TEP1: variants seen among roughly 807,000 people sequenced by gnomAD.
The protein encoded by TEP1 is telomerase protein component 1.
TEP1 carries 241 observed loss-of-function variants against 306.3 expected under a neutral mutation model. The observed-to-expected ratio is 0.79, with a 90% CI of 0.71 to 0.88. TEP1 has a LOEUF of 0.88. TEP1 is among the 40% of genes least tolerant of loss of function. The pLI, the probability that TEP1 is intolerant of heterozygous loss-of-function variation, is 0.00. For missense variants in TEP1, 3,051 were observed against 3,276.1 expected, an observed-to-expected ratio of 0.93 and a Z score of 1.68; for synonymous variants, 1,289 against 1,305.5, an observed-to-expected ratio of 0.99 and a Z score of 0.27.
intron 1 of TEP1, among the ~76,000 whole-genome samples, chr14:20,413,059 G>A (rs1288179255): frequency 1.3e-5 from 2 of 152,168 alleles, no homozygotes; most frequent in Admixed American, 6.5e-5. Context: ...ATTTGTTGGT[G>A]ACAGCCACTG....
At position 20,380,064 on chromosome 14, in the gene TEP1, A is replaced by T; in HGVS notation, c.5004-11T>A. The T allele has an allele frequency of 6.2e-7, 1 of 1,607,772 alleles. No individual in the cohort carries two copies. Among genetic ancestry groups the T allele is most frequent in the Non-Finnish European group, 8.5e-7 (1 of 1,178,088 alleles). On this transcript the variant is annotated splice_polypyrimidine_tract_variant and intron_variant, in intron 34 of 54. Coordinates refer to ENST00000262715, the MANE Select transcript of TEP1 (RefSeq NM_007110.5). ...AGAGACAGGCTGGAGCTAGAGAAAG[A>T]GTAGGAAGAAAGGGAGGAAATAAAC...
At position 20,408,429 on chromosome 14, in the gene TEP1, A is replaced by G; in HGVS notation, c.11T>C (p.Leu4Pro). Residue 4 changes from leucine (L) to proline (P), a missense_variant, in exon 2 of 55, where the codon CTC becomes CCC. By Grantham distance (98) the Leu-to-Pro change is moderately conservative (BLOSUM62 -3). Transcript: ENST00000262715. Reference protein sequence around the residue: MEKLHGHVSAHPDI... With the variant: MEKPHGHVSAHPDI... ...TGGATGGGCAGACACATGCCCATGG[A>G]GTTTTTCCATGGCTGAAACTCAGCT... 6.2e-7 allele frequency: 1 copy of G among 1,612,604 alleles called. No individual in the cohort carries two copies. Among genetic ancestry groups the G allele is most frequent in the Non-Finnish European group, 8.5e-7 (1 of 1,179,688 alleles).
intron 44 of TEP1, among the ~76,000 whole-genome samples, chr14:20,374,100 T>C (rs2139011550): frequency 6.6e-6 from 1 of 151,836 alleles, no homozygotes; most frequent in Non-Finnish European, 1.5e-5. Flanking sequence ...CTTTTTTTTT[T>C]TTTTAAAGAT....
rs978507748 is a variant in TEP1, at chr14:20,406,493, G to A, written c.568-93C>T. The A allele has an allele frequency of 1.8e-5, 24 of 1,309,938 alleles. 1 individual carries two copies. In the South Asian group the frequency reaches 2.4e-4, roughly 13 times the overall value. 81.1% of individuals were successfully genotyped at this position (1,309,938 alleles called of 1,614,324 possible). On this transcript the variant is annotated intron_variant, in intron 2 of 54. Transcript: ENST00000262715. ...AAGGCAGCACCAGGCCACGGGAAAA[G>A]TCTACATCTCCATTAATAGCACCTC...
intron 44 of TEP1, 111 bp from the exon 45 acceptor site, chr14:20,373,921 GGGA>G (rs2139010651): frequency 2.1e-6 from 3 of 1,427,034 alleles, no homozygotes; most frequent in Non-Finnish European, 9.5e-7. Context: ...ATGTCAATGA[GGGA>G]GGAGAACTCA....
chr14:20,387,056 T>G (rs1305381980), intron 18 of TEP1, among the ~76,000 whole-genome samples: 2 of 151,134 alleles, frequency 1.3e-5, no homozygotes, highest in Non-Finnish European at 3.0e-5. Context: ...CACCTCAGCC[T>G]CCCCAGTAAC....
rs1566435637 is a variant in TEP1, at chr14:20,369,491, GT to G, written c.7508del (p.Asn2503ThrfsTer43). 1 of 1,614,130 alleles carries G rather than the reference GT, an allele frequency of 6.2e-7. No homozygotes were observed. Among genetic ancestry groups the G allele is most frequent in the South Asian group, 1.1e-5 (1 of 91,082 alleles). The stretch of plus-strand genomic sequence containing the variant: ...GAGTGTTTGCTTTTTTCTGCCACAT[GT>G]TACCTGTGGTCCATTCTCCTTCTGG... ...CSPEGEWTTG[N>X]MWQKKANTPE... On this transcript the variant is annotated frameshift_variant, in exon 53 of 55. Coordinates refer to ENST00000262715, the MANE Select transcript of TEP1 (RefSeq NM_007110.5). LOFTEE classifies it high-confidence loss of function.
intron 1 of TEP1, among the ~76,000 whole-genome samples, chr14:20,409,596 C>G (rs1004452098): frequency 5.3e-5 from 8 of 152,200 alleles, no homozygotes; most frequent in African/African-American, 1.9e-4. Context: ...ATTCCCCTTC[C>G]TTTGCCCCCT....
intron 1 of TEP1, among the ~76,000 whole-genome samples, chr14:20,411,068 C>T (rs937096810): frequency 6.6e-6 from 1 of 152,116 alleles, no homozygotes; most frequent in Non-Finnish European, 1.5e-5. Context: ...GATCCACCCA[C>T]CTCAGCCTCC....
rs1594337871 is a variant in TEP1, at chr14:20,381,999, C to G, written c.4338G>C (p.Lys1446Asn). ...SVWRTLPKGT[K>N]SWEEAVAAGN... ...CAGCAGCCACTGCTTCTTCCCAGCT[C>G]TTAGTCCCCTTCGGTAGTGTCCGCC... Residue 1446 changes from lysine (K) to asparagine (N), a missense_variant, in exon 30 of 55, where the codon AAG becomes AAC. Transcript: ENST00000262715. This position sits in a 1 kb window ranked among gnomAD's most constrained non-coding sequence, Gnocchi z 4.0. 6.2e-7 allele frequency: 1 copy of G among 1,614,150 alleles called. No homozygotes were observed. Among genetic ancestry groups the G allele is most frequent in the Non-Finnish European group, 8.5e-7 (1 of 1,180,022 alleles).
chr14:20,383,462 G>A (rs375488397), intron 26 of TEP1, 26 bp downstream of exon 26: 40 of 1,613,782 alleles, frequency 2.5e-5, no homozygotes, highest in East Asian at 2.0e-4. Flanking sequence ...CCTGCCTCCC[G>A]ACACCCACCT....
rs1359442570 is a variant in TEP1 at position 20,401,148 on chromosome 14, AT to A, written c.1392-8del. 1 of 1,613,828 alleles carries A rather than the reference AT, an allele frequency of 6.2e-7. No individual in the cohort carries two copies. The highest frequency in any genetic ancestry group is 1.7e-5 in the Admixed American group (1 of 59,878). Reference sequence around the variant, plus strand: ...CTGTAGGTTGGAGGGGTATCTGAGGATAGGTAAGAAAGAGGTCTATCATTTC... The same window carrying A: ...CTGTAGGTTGGAGGGGTATCTGAGGAAGGTAAGAAAGAGGTCTATCATTTC... On this transcript the variant is annotated splice_polypyrimidine_tract_variant and splice_region_variant and intron_variant, in intron 8 of 54. Transcript: ENST00000262715.
chr14:20,373,260 C>A lies in TEP1; in HGVS notation c.6814+10G>T, dbSNP rs796901832. On this transcript the variant is annotated intron_variant, in intron 47 of 54. Coordinates refer to ENST00000262715, the MANE Select transcript of TEP1 (RefSeq NM_007110.5). ...GTAACACACCCTGTCTCTCTCCAAGCCTCACTCACCTGCTTCCTTAGGAAC... is the reference window on the plus strand; with the variant it reads ...GTAACACACCCTGTCTCTCTCCAAGACTCACTCACCTGCTTCCTTAGGAAC... 1 of 1,613,776 alleles carries A rather than the reference C, an allele frequency of 6.2e-7. No individual in the cohort carries two copies. The highest frequency in any genetic ancestry group is 2.2e-5 in the East Asian group (1 of 44,872).
Position 20,391,020 on chromosome 14 carries a change from C to T in TEP1, c.2174G>A (p.Gly725Glu), listed in dbSNP as rs760301602. The T allele has an allele frequency of 2.6e-5, 42 of 1,614,014 alleles. 1 individual carries two copies. The Middle Eastern group carries it at 9.9e-4, about 38-fold the overall frequency. ...CACTGCAGTCTTCAGAGTGTCACCT[C>T]CACACAGCACGACGTCCACCTGCTC... ...RAEQVDVVLC[G>E]GDTLKTAVLK... Residue 725 changes from glycine (G) to glutamate (E), a missense_variant, in exon 14 of 55, where the codon GGA becomes GAA. Coordinates refer to ENST00000262715, the MANE Select transcript of TEP1 (RefSeq NM_007110.5).
intron 24 of TEP1, 58 bp downstream of exon 24, chr14:20,383,980 A>C: frequency 1.3e-6 from 2 of 1,585,630 alleles, no homozygotes; most frequent in Admixed American, 3.5e-5. Context: ...CCTGTGCCTT[A>C]CCTCCTTAGC....
chr14:20,412,499 C>T (rs2139229466), intron 1 of TEP1, among the ~76,000 whole-genome samples: 2 of 152,268 alleles, frequency 1.3e-5, no homozygotes, highest in East Asian at 3.9e-4. Context: ...GTAAACATTG[C>T]TCACAGTTTT....
At chr14:20,410,019 TCAAAAAAAAAAAAAAA>T (rs1272359122) in intron 1 of TEP1, among the ~76,000 whole-genome samples, 2 of 13,646 alleles carry the variant, frequency 1.5e-4, no homozygotes, top group Admixed American at 1.0e-3. Context: ...AGACTCTGTC[TCAAAAAAAAAAAAAAA>T]AAAAAAAAAA....
chr14:20,371,774 G>A (rs56079164), intron 49 of TEP1, 142 bp from the exon 50 acceptor site: 12,880 of 1,089,866 alleles, frequency 0.012, 106 homozygotes, highest in East Asian at 0.016. Context: ...TCCACTTTCT[G>A]GTTTTTGTTT....
At chr14:20,392,648 T>C (rs1407140247) in intron 12 of TEP1, among the ~76,000 whole-genome samples, 1 of 152,200 alleles carries the variant, frequency 6.6e-6, no homozygotes, top group Non-Finnish European at 1.5e-5. Context: ...CCAAATGTAA[T>C]GTGTATACCT....
Sources: allele counts gnomAD v4.1 joint callset (sites outside exome capture counted in the v4.1 genomes callset), GRCh38; gene constraint gnomAD v4.1.1; non-coding constraint Gnocchi (gnomAD v3.1); transcripts MANE v1.5; gene names NCBI Gene and HGNC (gene_info 2026-07-23, HGNC 2026-07-21).